Variants in CDK6 observed in about 807,000 individuals in gnomAD.
CDK6 encodes cyclin dependent kinase 6, also known as cyclin-dependent kinase 6.
In CDK6, 6 loss-of-function variants were observed where a neutral mutation model predicts 37.1. The observed-to-expected ratio is 0.16, with a 90% CI of 0.09 to 0.32. The LOEUF (loss-of-function observed/expected upper bound fraction) is 0.32, where lower values mean the gene tolerates loss of function less well. Ranked by LOEUF, CDK6 falls within the 10% of genes least tolerant of loss-of-function variation. CDK6 has a pLI of 1.00. For missense variants in CDK6, 224 were observed against 418.9 expected (o/e 0.53, Z 4.06); for synonymous variants, 160 against 161.3 (o/e 0.99, Z 0.06).
At chr7:92,727,115 T>C (rs953697513) in intron 3 of CDK6, among the ~76,000 whole-genome samples, 2 of 152,220 alleles carry the variant, frequency 1.3e-5, no homozygotes, top group Non-Finnish European at 2.9e-5. Flanking sequence ...ACATTGGCCA[T>C]GATGTCATAA....
At chr7:92,744,444 T>C (rs181765141) in intron 3 of CDK6, among the ~76,000 whole-genome samples, 38 of 152,244 alleles carry the variant, frequency 2.5e-4, no homozygotes, top group Non-Finnish European at 4.6e-4. Context: ...TCCCAACGGG[T>C]CTTTCTCACA....
chr7:92,628,326 T>C (rs1795976493), intron 5 of CDK6, among the ~76,000 whole-genome samples: 1 of 152,014 alleles, frequency 6.6e-6, no homozygotes, highest in South Asian at 2.1e-4. Context: ...TGCCATACAC[T>C]GCACATATAT....
intron 4 of CDK6, among the ~76,000 whole-genome samples, chr7:92,688,395 G>A (rs1797513306): frequency 6.6e-6 from 1 of 152,094 alleles, no homozygotes; most frequent in South Asian, 2.1e-4. Context: ...AGAATAAATA[G>A]TGTCTGTCAT....
chr7:92,650,390 AT>A (rs1319691244), intron 5 of CDK6, among the ~76,000 whole-genome samples: 2 of 152,128 alleles, frequency 1.3e-5, no homozygotes, highest in Non-Finnish European at 2.9e-5. Context: ...GTTTTCTGCA[AT>A]GTTTATTGTT....
intron 3 of CDK6, among the ~76,000 whole-genome samples, chr7:92,757,061 T>C (rs543288022): frequency 2.6e-5 from 4 of 152,342 alleles, no homozygotes; most frequent in African/African-American, 7.2e-5. Flanking sequence ...AAATATACTA[T>C]ATAATGCAAC....
At chr7:92,781,812 A>C (rs1341160437) in intron 2 of CDK6, among the ~76,000 whole-genome samples, 2 of 152,216 alleles carry the variant, frequency 1.3e-5, no homozygotes, top group Non-Finnish European at 2.9e-5. Flanking sequence ...ATCGAGAAGA[A>C]TTTTTAAAAA....
chr7:92,782,394 G>T (rs1239507802), intron 2 of CDK6, among the ~76,000 whole-genome samples: 1 of 152,162 alleles, frequency 6.6e-6, no homozygotes, highest in Non-Finnish European at 1.5e-5. Flanking sequence ...AACTACTCCT[G>T]TCCTAGAATC....
chr7:92,809,142 T>C (rs1344319845), intron 2 of CDK6, among the ~76,000 whole-genome samples: 1 of 152,188 alleles, frequency 6.6e-6, no homozygotes, highest in Non-Finnish European at 1.5e-5. Context: ...GAAATATATC[T>C]AGATAATCTA....
chr7:92,606,944 T>A lies in CDK6; in HGVS notation c.*8196A>T, dbSNP rs1239156067. On this transcript the variant is annotated 3_prime_UTR_variant, in exon 8 of 8. Transcript: ENST00000424848. ...GATAAAAACCTCAAATACCAAAAAA[T>A]GCAACAAGCTTTTGAGGTGTTGGGA... 4.3e-5 allele frequency: 10 copies of A among 232,930 alleles called. No individual in the cohort carries two copies. In the East Asian group the frequency reaches 6.0e-4, roughly 14 times the overall value. The allele number at this position is 232,930 out of a possible 1,614,324, so 14.4% of individuals were successfully genotyped here.
chr7:92,793,458 T>C (rs1052418114), intron 2 of CDK6, among the ~76,000 whole-genome samples: 3 of 152,144 alleles, frequency 2.0e-5, no homozygotes, highest in Non-Finnish European at 4.4e-5. Context: ...ATGTTTATGC[T>C]AAATGAATTT....
chr7:92,727,403 T>G (rs1562948610), intron 3 of CDK6, among the ~76,000 whole-genome samples: 1 of 152,208 alleles, frequency 6.6e-6, no homozygotes, highest in Admixed American at 6.5e-5. Context: ...TATTTTAGCT[T>G]GTTCAAAACC....
chr7:92,762,233 C>T (rs539429555), intron 3 of CDK6, among the ~76,000 whole-genome samples: 14 of 152,180 alleles, frequency 9.2e-5, no homozygotes, highest in African/African-American at 2.9e-4. Flanking sequence ...TAAAAAAGCA[C>T]TTTCTTTTTG....
intron 2 of CDK6, among the ~76,000 whole-genome samples, chr7:92,775,321 GAGAAATTT>G (rs1799823646): frequency 6.6e-6 from 1 of 152,216 alleles, no homozygotes; most frequent in Non-Finnish European, 1.5e-5. Flanking sequence ...ATGGAATATG[GAGAAATTT>G]AGTTTATTTC....
chr7:92,668,396 T>C (rs1365837748), intron 5 of CDK6, among the ~76,000 whole-genome samples: 1 of 152,076 alleles, frequency 6.6e-6, no homozygotes, highest in African/African-American at 2.4e-5. Context: ...AGGATGAGGC[T>C]AAATAAAAAA....
rs1362474460 is a variant in CDK6, at chr7:92,610,518, G to C, written c.*4622C>G. On this transcript the variant is annotated 3_prime_UTR_variant, in exon 8 of 8. Coordinates refer to ENST00000424848, the MANE Select transcript of CDK6 (RefSeq NM_001145306.2). ...AGGTCAGAAGATAGAGAGACCAAAGGATTATTTTTGGTTTATTTTCTGAAA... is the reference window on the plus strand; with the variant it reads ...AGGTCAGAAGATAGAGAGACCAAAGCATTATTTTTGGTTTATTTTCTGAAA... The C allele has an allele frequency of 4.4e-6, 1 of 229,846 alleles. No individual in the cohort carries two copies. Among genetic ancestry groups the C allele is most frequent in the African/African-American group, 2.2e-5 (1 of 45,196 alleles). The allele number at this position is 229,846 out of a possible 1,614,324, so 14.2% of individuals were successfully genotyped here. A position where few individuals can be genotyped will look rare whatever the true frequency, so the allele number is the denominator to read the frequency against.
At chr7:92,817,968 G>A (rs1381301952) in intron 2 of CDK6, among the ~76,000 whole-genome samples, 2 of 151,932 alleles carry the variant, frequency 1.3e-5, no homozygotes, top group African/African-American at 2.4e-5. Context: ...ACTCTGATGA[G>A]AGAAATTAAA....
Position 92,834,036 on chromosome 7 carries a change from G to A in CDK6, c.-367-346C>T. The A allele has an allele frequency of 7.6e-6, 3 of 396,524 alleles. No homozygotes were observed. Among genetic ancestry groups the A allele is most frequent in the Non-Finnish European group, 1.3e-5 (3 of 225,212 alleles). 24.6% of individuals were successfully genotyped at this position (396,524 alleles called of 1,614,324 possible). A position where few individuals can be genotyped will look rare whatever the true frequency, so the allele number is the denominator to read the frequency against. Reference sequence around the variant, plus strand: ...GAGGGGAGGCGCCGGGCACGTCAATGTCACGGCTTAATATTTATCCCTATA... The same window carrying A: ...GAGGGGAGGCGCCGGGCACGTCAATATCACGGCTTAATATTTATCCCTATA... On this transcript the variant is annotated intron_variant, in intron 1 of 7. Transcript: ENST00000424848. The surrounding 1 kb of genome is among the most constrained non-coding windows in gnomAD (Gnocchi z 4.6).
At chr7:92,711,274 G>C (rs1798081560) in intron 4 of CDK6, among the ~76,000 whole-genome samples, 1 of 152,048 alleles carries the variant, frequency 6.6e-6, no homozygotes, top group Admixed American at 6.6e-5. Flanking sequence ...GTAAGAAAAA[G>C]AATAACAGGC....
intron 4 of CDK6, among the ~76,000 whole-genome samples, chr7:92,709,519 C>G (rs1798038224): frequency 6.6e-6 from 1 of 151,964 alleles, no homozygotes; most frequent in African/African-American, 2.4e-5. Context: ...GAGGCAACTT[C>G]AGATTTACAT....
Sources: gnomAD v4.1 joint callset for allele counts (sites outside exome capture counted in the v4.1 genomes callset) on GRCh38, gnomAD v4.1.1 for gene constraint, Gnocchi (gnomAD v3.1) non-coding constraint, MANE v1.5 for transcripts, NCBI Gene and HGNC (gene_info 2026-07-23, HGNC 2026-07-21) for gene names.